FAM217B: variants seen among roughly 807,000 people sequenced by gnomAD.
The protein encoded by FAM217B is protein FAM217B.
For missense variants in FAM217B, 463 were observed against 456.9 expected (o/e 1.01, Z -0.12); for synonymous variants, 163 against 173.0 (o/e 0.94, Z 0.45).
upstream of FAM217B, chr20:59,938,815 C>T (rs1483599657): frequency 2.3e-6 from 1 of 427,970 alleles, no homozygotes; most frequent in Non-Finnish European, 4.0e-6. Flanking sequence ...ACAACTCGGC[C>T]TTCTGGCCAC....
At chr20:59,936,609 T>C (rs557730769), upstream of FAM217B, 1 of 152,220 alleles carries the variant, frequency 6.6e-6, no homozygotes, top group Non-Finnish European at 1.5e-5. Context: ...ACCTGGCATA[T>C]AAAATTGCAT....
upstream of FAM217B, chr20:59,939,011 G>A: frequency 6.7e-7 from 1 of 1,492,778 alleles, no homozygotes; most frequent in Non-Finnish European, 8.9e-7. Flanking sequence ...GGAGGCTCCA[G>A]GTGGCCGGTC....
chr20:59,944,629 G>A lies in FAM217B; in HGVS notation c.686G>A (p.Ser229Asn). The A allele has an allele frequency of 6.2e-7, 1 of 1,614,116 alleles. No individual in the cohort carries two copies. Among genetic ancestry groups the A allele is most frequent in the East Asian group, 2.2e-5 (1 of 44,866 alleles). ...CCTGGGAGAAGTAAGCTAATTGCTA[G>A]TGCTCTGTCCAAGCCACTACCTCAC... The part of the protein sequence containing the change: ...KSPGRSKLIA[S>N]ALSKPLPHQE... Residue 229 changes from serine to asparagine, a missense_variant, in exon 4 of 4, where the codon AGT becomes AAT. Coordinates refer to ENST00000360816, the MANE Select transcript of FAM217B (RefSeq NM_022106.3).
At chr20:59,939,924 C>G, upstream of FAM217B, 3 of 1,261,274 alleles carry the variant, frequency 2.4e-6, no homozygotes, top group Non-Finnish European at 3.0e-6. Context: ...GCTCGGGCCT[C>G]TGGACATGGC....
At position 59,944,709 on chromosome 20, in the gene FAM217B, G is replaced by T. The variant is rs931067686; in HGVS notation, c.766G>T (p.Glu256Ter). Residue 256 changes from glutamate to a stop codon, truncating the protein, a stop_gained, in exon 4 of 4, where the codon GAA (glutamate) becomes TAA (stop). Transcript: ENST00000360816. LOFTEE classifies it low-confidence loss of function (END_TRUNC). ...PSRKKAFHHEEIHPSHYAFET... is the reference protein window; with the variant it reads ...PSRKKAFHHE ...CCGAAAGAAAGCTTTTCACCATGAA[G>T]AAATCCACCCATCACATTATGCATT... 3 of 1,614,138 alleles carry T rather than the reference G, an allele frequency of 1.9e-6. No homozygotes were observed. The highest frequency in any genetic ancestry group is 3.3e-4 in the Middle Eastern group (2 of 6,062).
Position 59,948,025 on chromosome 20 carries a change from TCC to T in FAM217B, c.*2931_*2932del, listed in dbSNP as rs2060947137. ...CCTGCATTTAAACCAATTAAAACAA[TCC>T]AAGTTTCTTTAAAAAAAAAAAGAAA... On this transcript the variant is annotated 3_prime_UTR_variant, in exon 4 of 4. Transcript: ENST00000360816. 8.5e-6 allele frequency: 1 copy of T among 118,310 alleles called. No individual in the cohort carries two copies. 7.3% of individuals were successfully genotyped at this position (118,310 alleles called of 1,614,324 possible).
In FAM217B at chr20:59,944,899, C is replaced by A; in HGVS notation, c.956C>A (p.Thr319Asn). The change falls in exon 4 of 4, where the codon ACC becomes AAC. Residue 319 changes from threonine to asparagine, a missense_variant. Physicochemically the swap from Thr to Asn is moderately conservative, Grantham distance 65. Transcript: ENST00000360816. ...AGTGGAAGCAGCTCTAAGGTGGAAACCAGCGGTCACATTCGAGTTCCCAAA... is the reference window on the plus strand; with the variant it reads ...AGTGGAAGCAGCTCTAAGGTGGAAAACAGCGGTCACATTCGAGTTCCCAAA... ...SGSGSSSKVE[T>N]SGHIRVPKQA... The A allele has an allele frequency of 1.2e-6, 2 of 1,614,146 alleles. No individual in the cohort carries two copies. The highest frequency in any genetic ancestry group is 1.7e-6 in the Non-Finnish European group (2 of 1,180,020).
At chr20:59,939,242 C>T (rs17854470), upstream of FAM217B, 1 of 1,611,742 alleles carries the variant, frequency 6.2e-7, no homozygotes. Context: ...CCTCCGTGCC[C>T]TCGGGGCCTG....
chr20:59,936,318 A>G (rs2145943672), upstream of FAM217B, among the ~76,000 whole-genome samples: 1 of 152,332 alleles, frequency 6.6e-6, no homozygotes, highest in East Asian at 1.9e-4. Context: ...AGCTAAGAAA[A>G]AGGGGATATT....
At chr20:59,941,905 T>A (rs1016279723) in intron 1 of FAM217B, among the ~76,000 whole-genome samples, 7 of 151,762 alleles carry the variant, frequency 4.6e-5, no homozygotes, top group African/African-American at 1.7e-4. Context: ...TACCTGTGTG[T>A]GAACAGGGAG....
chr20:59,934,352 G>A (rs1043794402), intron 1 of FAM217B, among the ~76,000 whole-genome samples: 1 of 152,216 alleles, frequency 6.6e-6, no homozygotes, highest in Non-Finnish European at 1.5e-5. Context: ...GTAAAAAATC[G>A]CAGGCCCTTC....
upstream of FAM217B, chr20:59,940,041 T>C (rs1003405058): frequency 3.1e-6 from 3 of 953,196 alleles, no homozygotes; most frequent in Middle Eastern, 7.4e-4. Context: ...ATCTGCAACC[T>C]GCGGGGGACC....
rs2060939883 is a variant in FAM217B, at chr20:59,946,863, TC to T, written c.*1770del. On this transcript the variant is annotated 3_prime_UTR_variant, in exon 4 of 4. Transcript: ENST00000360816. ...GCACTACGCTTAGTTTTCCTGTAGT[TC>T]CTGAGTGATGTCTGTGTGTTCCTTG... is the stretch of plus-strand genomic sequence containing the variant. 6.0e-6 allele frequency: 1 copy of T among 167,106 alleles called. No individual in the cohort carries two copies. The highest frequency in any genetic ancestry group is 1.5e-5 in the Non-Finnish European group (1 of 68,124). The allele number at this position is 167,106 out of a possible 1,614,324, so 10.4% of individuals were successfully genotyped here. A position where few individuals can be genotyped will look rare whatever the true frequency, so the allele number is the denominator to read the frequency against.
At chr20:59,936,016 T>A (rs1218544350), upstream of FAM217B, among the ~76,000 whole-genome samples, 1 of 152,216 alleles carries the variant, frequency 6.6e-6, no homozygotes, top group East Asian at 1.9e-4. Context: ...TGTTATTGTG[T>A]GAATATCTTA....
In FAM217B at chr20:59,943,987, A is replaced by T; in HGVS notation, c.44A>T (p.Asn15Ile). The T allele has an allele frequency of 6.2e-7, 1 of 1,610,568 alleles. No homozygotes were observed. The highest frequency in any genetic ancestry group is 8.5e-7 in the Non-Finnish European group (1 of 1,179,050). Residue 15 changes from asparagine (N) to isoleucine (I), a missense_variant, in exon 4 of 4, where the codon AAT (asparagine) becomes ATT (isoleucine). Physicochemically the swap from Asn to Ile is moderately radical, Grantham distance 149. Transcript: ENST00000360816. The part of the protein sequence containing the change: ...PSWNKVQHSK[N>I]SSGKRQSKSQ... ...TGGAATAAAGTGCAACATTCAAAGA[A>T]TTCTTCAGGAAAAAGGCAGAGTAAA...
rs577563113 is a variant in FAM217B at position 59,934,120 on chromosome 20, G to C, written c.-326+267G>C. Among the ~76,000 whole-genome samples the C allele has an allele frequency of 1.1e-4, 16 of 152,244 alleles. No homozygotes were observed. The South Asian group carries it at 2.9e-3, about 28-fold the overall frequency. ...GCCCTGCAGGGGCGAGCTGGACCGG[G>C]GGACCAGGGCGCCGGGCCGACGACT... On this transcript the variant is annotated intron_variant, in intron 1 of 4. Coordinates refer to the FAM217B transcript ENST00000358293.
rs1217377420 is a variant in FAM217B at position 59,945,207 on chromosome 20, A to T, written c.*112A>T. ...ATTTTACAAATACTGACATTTAAGT[A>T]GTTGACTGGCATTTTTGTCCACCTT... On this transcript the variant is annotated 3_prime_UTR_variant, in exon 4 of 4. Transcript: ENST00000360816. The T allele has an allele frequency of 1.1e-6, 1 of 938,480 alleles. No homozygotes were observed. Among genetic ancestry groups the T allele is most frequent in the African/African-American group, 1.7e-5 (1 of 59,854 alleles). 58.1% of individuals were successfully genotyped at this position (938,480 alleles called of 1,614,324 possible).
At position 59,944,510 on chromosome 20, in the gene FAM217B, G is replaced by A. The variant is rs374317672; in HGVS notation, c.567G>A (p.Glu189=). ...ATATCGATAGACTTATTCAGCTTGA[G>A]TGGCTGCAAGTCCAGACTGTACAGT... ...GKYIDRLIQL[E]WLQVQTVQCE... The change falls in exon 4 of 4, where the codon GAG becomes GAA. Residue 189 remains glutamate, a synonymous_variant. Transcript: ENST00000360816. 1 of 1,613,904 alleles carries A rather than the reference G, an allele frequency of 6.2e-7. No individual in the cohort carries two copies. The highest frequency in any genetic ancestry group is 8.5e-7 in the Non-Finnish European group (1 of 1,180,014).
In FAM217B at chr20:59,945,563, T is replaced by G. The variant is rs367881271; in HGVS notation, c.*468T>G. 5.9e-6 allele frequency: 1 copy of G among 168,502 alleles called. No homozygotes were observed. Among genetic ancestry groups the G allele is most frequent in the Non-Finnish European group, 1.4e-5 (1 of 69,100 alleles). The allele number at this position is 168,502 out of a possible 1,614,324, so 10.4% of individuals were successfully genotyped here. On this transcript the variant is annotated 3_prime_UTR_variant, in exon 4 of 4. Coordinates refer to ENST00000360816, the MANE Select transcript of FAM217B (RefSeq NM_022106.3). ...GCCCACTCCCTCGCTTACTTTTTTA[T>G]AAACTCCTCAAGCAAAATTTCTGTT...
Sources: gnomAD v4.1 joint callset for allele counts (sites outside exome capture counted in the v4.1 genomes callset) on GRCh38, gnomAD v4.1.1 for gene constraint, MANE v1.5 for transcripts, NCBI Gene and HGNC (gene_info 2026-07-23, HGNC 2026-07-21) for gene names.